The following MGAT4C variants were observed in gnomAD, a reference collection of about 807,000 sequenced individuals.
The protein encoded by MGAT4C is alpha-1,3-mannosyl-glycoprotein 4-beta-N-acetylglucosaminyltransferase C.
Under a neutral mutation model 40.1 loss-of-function variants are expected in MGAT4C, and 19 were observed. That is an observed-to-expected ratio of 0.47 (90% CI 0.33 to 0.70). The LOEUF (loss-of-function observed/expected upper bound fraction) is 0.70, where lower values mean the gene tolerates loss of function less well. MGAT4C is among the 30% of genes least tolerant of loss of function. The probability of loss-of-function intolerance (pLI) is 0.02; values close to 1 mark genes in which losing one functional copy is unlikely to be tolerated. For missense variants in MGAT4C, 491 were observed against 563.2 expected, an observed-to-expected ratio of 0.87 and a Z score of 1.30; for synonymous variants, 181 against 187.1, an observed-to-expected ratio of 0.97 and a Z score of 0.27.
intron 2 of MGAT4C, among the ~76,000 whole-genome samples, chr12:86,623,464 A>G (rs937970627): frequency 1.3e-5 from 2 of 152,154 alleles, no homozygotes; most frequent in African/African-American, 4.8e-5. Flanking sequence ...TGTATCAATG[A>G]ACAAAGATAT....
intron 2 of MGAT4C, among the ~76,000 whole-genome samples, chr12:86,446,658 CATATATAT>C (rs34157468): frequency 0.012 from 408 of 35,302 alleles, 4 homozygotes; most frequent in Middle Eastern, 0.026. Context: ...TCATGTAACT[CATATATAT>C]ATATATATAT....
At chr12:86,562,260 C>T (rs914925681) in intron 2 of MGAT4C, among the ~76,000 whole-genome samples, 4 of 152,106 alleles carry the variant, frequency 2.6e-5, no homozygotes, top group Non-Finnish European at 5.9e-5. Flanking sequence ...GAAAATCAGA[C>T]ACAAGCTCTT....
At chr12:86,784,738 AAC>A (rs1483008261) in intron 1 of MGAT4C, among the ~76,000 whole-genome samples, 1 of 152,048 alleles carries the variant, frequency 6.6e-6, no homozygotes, top group East Asian at 1.9e-4. Context: ...CTGATCACAT[AAC>A]ACAGAGCCTA....
At chr12:86,275,949 A>AAAG (rs1953069670) in intron 4 of MGAT4C, among the ~76,000 whole-genome samples, 1 of 118,480 alleles carries the variant, frequency 8.4e-6, no homozygotes, top group Non-Finnish European at 1.7e-5. Context: ...AAATCCAAAA[A>AAAG]AAAAAAAAAA....
At chr12:86,732,995 C>T (rs1950934794) in intron 1 of MGAT4C, among the ~76,000 whole-genome samples, 2 of 152,010 alleles carry the variant, frequency 1.3e-5, no homozygotes, top group African/African-American at 4.8e-5. Context: ...GATGTGAACT[C>T]TTTTTCATTT....
At chr12:86,766,444 C>T (rs1951509775) in intron 1 of MGAT4C, among the ~76,000 whole-genome samples, 1 of 152,082 alleles carries the variant, frequency 6.6e-6, no homozygotes, top group Non-Finnish European at 1.5e-5. Context: ...CCACTGTCAA[C>T]ATTAGAAAGA....
At chr12:86,501,276 T>C (rs1052751763) in intron 2 of MGAT4C, among the ~76,000 whole-genome samples, 2 of 152,246 alleles carry the variant, frequency 1.3e-5, no homozygotes, top group African/African-American at 4.8e-5. Context: ...CTTCATTACA[T>C]TGGAATTTTA....
chr12:86,132,669 G>A (rs1881371219), intron 1 of MGAT4C, among the ~76,000 whole-genome samples: 1 of 151,910 alleles, frequency 6.6e-6, no homozygotes, highest in Admixed American at 6.6e-5. Flanking sequence ...GCGGATGCCT[G>A]TAGTCCCAGC....
chr12:86,250,040 A>G (rs1449128496), intron 1 of MGAT4C, among the ~76,000 whole-genome samples: 1 of 152,134 alleles, frequency 6.6e-6, no homozygotes, highest in African/African-American at 2.4e-5. Context: ...CTGGCATGCC[A>G]TAAGTGCTCA....
At chr12:86,283,950 C>T (rs1384076049) in intron 4 of MGAT4C, among the ~76,000 whole-genome samples, 2 of 152,076 alleles carry the variant, frequency 1.3e-5, no homozygotes, top group South Asian at 2.1e-4. Context: ...TCTGCTGCAT[C>T]TATTAAATCT....
At chr12:86,075,289 A>G (rs1012553752) in intron 1 of MGAT4C, among the ~76,000 whole-genome samples, 8 of 151,960 alleles carry the variant, frequency 5.3e-5, no homozygotes, top group Non-Finnish European at 1.0e-4. Flanking sequence ...TAAAGTCCCA[A>G]AATGATCTCT....
chr12:86,833,376 G>A (rs910168690), intron 1 of MGAT4C, among the ~76,000 whole-genome samples: 7 of 151,810 alleles, frequency 4.6e-5, no homozygotes, highest in East Asian at 1.9e-4. Context: ...TTGCTAGGAC[G>A]GCCATAACAA....
chr12:86,405,000 T>C (rs562261748), intron 3 of MGAT4C, among the ~76,000 whole-genome samples: 4 of 152,142 alleles, frequency 2.6e-5, no homozygotes, highest in Middle Eastern at 3.4e-3. Context: ...AAACTAGATA[T>C]TCCATCTCTC....
At chr12:86,559,867 T>TTG (rs1047578325) in intron 2 of MGAT4C, among the ~76,000 whole-genome samples, 1 of 151,966 alleles carries the variant, frequency 6.6e-6, no homozygotes, top group African/African-American at 2.4e-5. Context: ...GTTGTTGTTG[T>TTG]TGTGTGTGTG....
chr12:86,519,931 G>A (rs544818361), intron 2 of MGAT4C, among the ~76,000 whole-genome samples: 1 of 152,014 alleles, frequency 6.6e-6, no homozygotes, highest in African/African-American at 2.4e-5. Flanking sequence ...TTTTGCTTTT[G>A]TTGCCTGTGT....
chr12:86,146,519 A>G (rs1224719942), intron 1 of MGAT4C, among the ~76,000 whole-genome samples: 2 of 152,072 alleles, frequency 1.3e-5, no homozygotes, highest in Non-Finnish European at 2.9e-5. Flanking sequence ...AATGTTATCT[A>G]CTGGTTTCTT....
chr12:86,179,947 GA>G (rs746998964), intron 1 of MGAT4C, among the ~76,000 whole-genome samples: 1 of 152,190 alleles, frequency 6.6e-6, no homozygotes, highest in Non-Finnish European at 1.5e-5. Flanking sequence ...ACAGCATGGG[GA>G]AAATGTCTCC....
intron 2 of MGAT4C, among the ~76,000 whole-genome samples, chr12:86,695,307 T>C (rs1950236125): frequency 6.6e-6 from 1 of 152,180 alleles, no homozygotes; most frequent in African/African-American, 2.4e-5. Flanking sequence ...GGAACCCTTG[T>C]ACACTGTTGG....
At chr12:86,830,814 C>G (rs944485269) in intron 1 of MGAT4C, among the ~76,000 whole-genome samples, 4 of 151,828 alleles carry the variant, frequency 2.6e-5, no homozygotes, top group Non-Finnish European at 4.4e-5. Flanking sequence ...AGTTACCCTC[C>G]TCCTAAAGAG....
Sources: allele counts gnomAD v4.1 joint callset (sites outside exome capture counted in the v4.1 genomes callset), GRCh38; gene constraint gnomAD v4.1.1; transcripts MANE v1.5; gene names NCBI Gene and HGNC (gene_info 2026-07-23, HGNC 2026-07-21).